ERCC8: variants seen among roughly 807,000 people sequenced by gnomAD.
ERCC8 encodes the protein DNA excision repair protein ERCC-8.
ERCC8 carries 52 observed loss-of-function variants against 54.9 expected under a neutral mutation model. That is an observed-to-expected ratio of 0.95 (90% CI 0.76 to 1.19). The LOEUF (loss-of-function observed/expected upper bound fraction) is 1.19. Among genes scored for constraint, ERCC8 ranks in the 50% most tolerant of loss-of-function variants. ERCC8 has a pLI of 0.00. For missense variants in ERCC8, 514 were observed against 466.1 expected, an observed-to-expected ratio of 1.10 and a Z score of -0.95; for synonymous variants, 146 against 157.2, an observed-to-expected ratio of 0.93 and a Z score of 0.53.
chr5:60,912,161 C>A (rs180683744), intron 4 of ERCC8, among the ~76,000 whole-genome samples: 1 of 152,050 alleles, frequency 6.6e-6, no homozygotes, highest in African/African-American at 2.4e-5. Flanking sequence ...GGATGGTATT[C>A]AATCTATAAA....
At chr5:60,921,495 T>C (rs1749598896) in intron 3 of ERCC8, among the ~76,000 whole-genome samples, 1 of 151,984 alleles carries the variant, frequency 6.6e-6, no homozygotes, top group Non-Finnish European at 1.5e-5. Flanking sequence ...ACAAGATTGG[T>C]AAGCCAGTAG....
At chr5:60,930,218 T>C (rs1580042291) in intron 1 of ERCC8, among the ~76,000 whole-genome samples, 1 of 151,510 alleles carries the variant, frequency 6.6e-6, no homozygotes, top group Non-Finnish European at 1.5e-5. Flanking sequence ...TCACCTAAGG[T>C]GAGGAGTTCG....
chr5:60,880,728 G>A (rs1209037739), intron 11 of ERCC8, among the ~76,000 whole-genome samples: 1 of 152,066 alleles, frequency 6.6e-6, no homozygotes, highest in Non-Finnish European at 1.5e-5. Flanking sequence ...GGTCGTTAAA[G>A]GACTTGTCTG....
intron 9 of ERCC8, chr5:60,892,119 TG>T: frequency 1.9e-6 from 1 of 515,922 alleles, no homozygotes; most frequent in Non-Finnish European, 3.9e-6. Flanking sequence ...AGCAGTCCAC[TG>T]GGCACACATC....
At chr5:60,917,787 T>C (rs1366152071) in intron 4 of ERCC8, among the ~76,000 whole-genome samples, 1 of 152,050 alleles carries the variant, frequency 6.6e-6, no homozygotes, top group Non-Finnish European at 1.5e-5. Flanking sequence ...CCAAATGTCA[T>C]ACAAACTATT....
At chr5:60,939,409 T>A (rs1467599023) in intron 1 of ERCC8, among the ~76,000 whole-genome samples, 1 of 152,210 alleles carries the variant, frequency 6.6e-6, no homozygotes, top group Non-Finnish European at 1.5e-5. Flanking sequence ...AAAATATTTC[T>A]ATGGACCTTA....
rs963781302 is a variant in ERCC8, at chr5:60,867,046, C to T, written c.*7569G>A. On this transcript the variant is annotated 3_prime_UTR_variant, in exon 12 of 12. Coordinates refer to ENST00000676185, the MANE Select transcript of ERCC8 (RefSeq NM_000082.4). ...AAAGACGGGGTTTCACCATGTTAGC[C>T]AGGATGGTCTCGATCTCCTGACCTC... 2 of 152,014 alleles carry T rather than the reference C, an allele frequency of 1.3e-5. No homozygotes were observed. The highest frequency in any genetic ancestry group is 4.8e-5 in the African/African-American group (2 of 41,354). The allele number at this position is 152,014 out of a possible 1,614,324, so 9.4% of individuals were successfully genotyped here.
intron 11 of ERCC8, among the ~76,000 whole-genome samples, chr5:60,880,316 G>A (rs1054207112): frequency 7.2e-5 from 11 of 152,028 alleles, no homozygotes; most frequent in African/African-American, 1.9e-4. Context: ...CTTCATTTCA[G>A]CTTTAGTGAA....
At chr5:60,933,207 CTTTTTTTTCTT>C (rs1259528751) in intron 1 of ERCC8, among the ~76,000 whole-genome samples, 7 of 119,720 alleles carry the variant, frequency 5.8e-5, no homozygotes, top group African/African-American at 2.1e-4. Flanking sequence ...GCATTTTTTC[CTTTTTTTTCTT>C]TTTTTTTTTT....
At chr5:60,900,155 G>C (rs938621068) in intron 7 of ERCC8, among the ~76,000 whole-genome samples, 2 of 151,760 alleles carry the variant, frequency 1.3e-5, no homozygotes, top group African/African-American at 4.8e-5. Flanking sequence ...ATGATTTGGT[G>C]TTTTTTTCCT....
rs749656923 is a variant in ERCC8, at chr5:60,885,371, A to G, written c.1122+2069T>C. On this transcript the variant is annotated intron_variant, in intron 11 of 11. Transcript: ENST00000676185. ...ATTCTTCTAACATCCTTTTCTATAC[A>G]TAAGTCACTATAGATTTACTTTTCA... Among the ~76,000 whole-genome samples, 12 of 152,146 alleles carry G rather than the reference A, an allele frequency of 7.9e-5. 1 individual carries two copies. The highest frequency in any genetic ancestry group is 1.3e-4 in the Admixed American group (2 of 15,270).
In ERCC8 at chr5:60,874,620, C is replaced by G. The variant is rs1321425669; in HGVS notation, c.1186G>C (p.Gly396Arg). Residue 396 changes from glycine (G) to arginine (R), a missense_variant, in exon 12 of 12, where the codon GGA becomes CGA. Physicochemically the swap from Gly to Arg is moderately radical, Grantham distance 125 (BLOSUM62 -2). Transcript: ENST00000676185. ...AAAGGTACTAAAGATGATATTCATC[C>G]TTCTTCATCACTGCTGCTCCAGGCA... ...EDAWSSSDEE[G>R] 6.2e-7 allele frequency: 1 copy of G among 1,612,764 alleles called. No homozygotes were observed. The highest frequency in any genetic ancestry group is 1.1e-5 in the South Asian group (1 of 90,898).
intron 1 of ERCC8, among the ~76,000 whole-genome samples, chr5:60,935,361 G>C (rs761318132): frequency 6.6e-6 from 1 of 152,178 alleles, no homozygotes; most frequent in Non-Finnish European, 1.5e-5. Context: ...GTATAGCAGA[G>C]CTACTGACTT....
intron 11 of ERCC8, among the ~76,000 whole-genome samples, chr5:60,882,970 AACAC>A (rs10550173): frequency 5.6e-4 from 81 of 144,784 alleles, no homozygotes; most frequent in African/African-American, 1.5e-3. Context: ...GCCCTGGGAA[AACAC>A]ACACACACAC....
chr5:60,925,221 G>T (rs1049822867), intron 2 of ERCC8, among the ~76,000 whole-genome samples: 40 of 151,882 alleles, frequency 2.6e-4, no homozygotes, highest in African/African-American at 9.4e-4. Flanking sequence ...AATTTTTTTT[G>T]GGGGGTAAGA....
chr5:60,879,383 G>T (rs1748128151), intron 11 of ERCC8, among the ~76,000 whole-genome samples: 1 of 152,138 alleles, frequency 6.6e-6, no homozygotes, highest in Non-Finnish European at 1.5e-5. Context: ...TGTCTATTAG[G>T]TCTGCTTGGT....
chr5:60,937,130 T>A (rs1021321747), intron 1 of ERCC8, among the ~76,000 whole-genome samples: 2 of 152,240 alleles, frequency 1.3e-5, no homozygotes, highest in Admixed American at 6.5e-5. Context: ...ATGTGATCTG[T>A]CTTCAGGTCT....
chr5:60,898,194 G>A (rs1169362827), intron 9 of ERCC8, 82 bp downstream of exon 9: 2 of 1,426,996 alleles, frequency 1.4e-6, no homozygotes, highest in Non-Finnish European at 1.9e-6. Flanking sequence ...GAATAAATGA[G>A]TTAAATATAT....
In ERCC8 at chr5:60,943,006, C is replaced by T. The variant is rs78232441; in HGVS notation, c.77+1926G>A. On this transcript the variant is annotated intron_variant, in intron 1 of 11. Transcript: ENST00000676185. ...AAAAATTTTAGGCTGTGTGGTAGCTCGCACATATAATCCCGGCACTTTAGG... is the reference window on the plus strand; with the variant it reads ...AAAAATTTTAGGCTGTGTGGTAGCTTGCACATATAATCCCGGCACTTTAGG... Among the ~76,000 whole-genome samples the T allele has an allele frequency of 1.1e-3, 172 of 152,120 alleles. 3 individuals are homozygous for T. In the East Asian group the frequency reaches 0.019, roughly 16 times the overall value.
Sources: gnomAD v4.1 joint callset for allele counts (sites outside exome capture counted in the v4.1 genomes callset) on GRCh38, gnomAD v4.1.1 for gene constraint, MANE v1.5 for transcripts, NCBI Gene and HGNC (gene_info 2026-07-23, HGNC 2026-07-21) for gene names.